The following SESTD1 variants were observed in gnomAD, a reference collection of about 807,000 sequenced individuals.
The protein encoded by SESTD1 is SEC14 and spectrin domain containing 1.
A neutral mutation model predicts 101.7 loss-of-function variants in SESTD1; 43 were observed. The observed-to-expected ratio is 0.42, with a 90% CI of 0.33 to 0.55. The LOEUF is 0.55. Among genes scored for constraint, SESTD1 ranks in the 20% least tolerant of loss-of-function variants. The pLI is 0.07. For synonymous variants in SESTD1, 283 were observed against 286.8 expected (o/e 0.99, Z 0.13); for missense variants, 647 against 815.1 (o/e 0.79, Z 2.51).
In SESTD1 at chr2:179,215,759, C is replaced by T. The variant is rs958471331; in HGVS notation, c.-25-23893G>A. Among the ~76,000 whole-genome samples, 2 of 134,782 alleles carry T rather than the reference C, an allele frequency of 1.5e-5. 1 individual carries two copies. The highest frequency in any genetic ancestry group is 5.9e-5 in the African/African-American group (2 of 34,094). The allele number at this position is 134,782 out of a possible 152,430, so 88.4% of individuals were successfully genotyped here. On this transcript the variant is annotated intron_variant, in intron 1 of 17. Coordinates refer to ENST00000428443, the MANE Select transcript of SESTD1 (RefSeq NM_178123.5). ...AATCCTCAATAAAATACTGGCAAAC[C>T]AAATCCAGCAGCACATCAATAGCTA...
chr2:179,148,916 C>T (rs1282867706), intron 7 of SESTD1, among the ~76,000 whole-genome samples: 1 of 151,612 alleles, frequency 6.6e-6, no homozygotes, highest in Non-Finnish European at 1.5e-5. Flanking sequence ...AAAAATTAGC[C>T]GGGCGAGGTG....
chr2:179,172,607 G>A (rs968974642), intron 4 of SESTD1, among the ~76,000 whole-genome samples: 1 of 151,994 alleles, frequency 6.6e-6, no homozygotes, highest in African/African-American at 2.4e-5. Flanking sequence ...AATCATCTTG[G>A]AGAATTTCTT....
chr2:179,113,774 T>A (rs2044565049), intron 16 of SESTD1, among the ~76,000 whole-genome samples: 2 of 151,982 alleles, frequency 1.3e-5, no homozygotes, highest in African/African-American at 4.8e-5. Context: ...TTTACTTAGG[T>A]TTGTACAACA....
At chr2:179,231,416 G>A (rs905473630) in intron 1 of SESTD1, among the ~76,000 whole-genome samples, 1 of 151,566 alleles carries the variant, frequency 6.6e-6, no homozygotes, top group Admixed American at 6.6e-5. Flanking sequence ...ATAATAGATA[G>A]TATAAACTTA....
chr2:179,250,064 T>C (rs897385237), intron 1 of SESTD1, among the ~76,000 whole-genome samples: 1 of 152,060 alleles, frequency 6.6e-6, no homozygotes, highest in African/African-American at 2.4e-5. Context: ...GTGAACAACA[T>C]GTTAAAACAA....
intron 1 of SESTD1, among the ~76,000 whole-genome samples, chr2:179,221,675 C>T (rs574398778): frequency 7.7e-4 from 115 of 149,892 alleles, no homozygotes; most frequent in Middle Eastern, 3.6e-3. Flanking sequence ...CTCAGCACTT[C>T]GGAAGACCAA....
intron 2 of SESTD1, among the ~76,000 whole-genome samples, chr2:179,186,667 G>A (rs1173000192): frequency 1.3e-5 from 2 of 149,392 alleles, no homozygotes; most frequent in Non-Finnish European, 3.0e-5. Context: ...AGTATCAGAA[G>A]ACTGTATTTT....
intron 9 of SESTD1, among the ~76,000 whole-genome samples, chr2:179,142,408 A>G (rs1575438710): frequency 6.6e-6 from 1 of 152,206 alleles, no homozygotes; most frequent in African/African-American, 2.4e-5. Flanking sequence ...TCAATTAAGC[A>G]AAGAAGGCAG....
At chr2:179,155,344 T>C (rs932570660) in intron 5 of SESTD1, among the ~76,000 whole-genome samples, 2 of 152,158 alleles carry the variant, frequency 1.3e-5, no homozygotes, top group Non-Finnish European at 2.9e-5. Context: ...TATATAACTA[T>C]ATATACTAAG....
At chr2:179,160,992 CACCTTG>C (rs2045725388) in intron 5 of SESTD1, among the ~76,000 whole-genome samples, 1 of 151,846 alleles carries the variant, frequency 6.6e-6, no homozygotes, top group Non-Finnish European at 1.5e-5. Context: ...AGGGCCACTG[CACCTTG>C]ACTCTTCAGC....
chr2:179,228,411 G>A (rs894654229), intron 1 of SESTD1, among the ~76,000 whole-genome samples: 1 of 152,090 alleles, frequency 6.6e-6, no homozygotes, highest in Non-Finnish European at 1.5e-5. Flanking sequence ...TTCCATCTTA[G>A]GGCTTGCAAA....
At chr2:179,174,945 A>T (rs2045986010) in intron 4 of SESTD1, among the ~76,000 whole-genome samples, 3 of 21,354 alleles carry the variant, frequency 1.4e-4, no homozygotes, top group South Asian at 4.4e-3. Flanking sequence ...CCTGATATAA[A>T]AAAAAAAAAA....
chr2:179,223,989 A>G (rs1218103534), intron 1 of SESTD1, among the ~76,000 whole-genome samples: 1 of 152,196 alleles, frequency 6.6e-6, no homozygotes, highest in Non-Finnish European at 1.5e-5. Flanking sequence ...CAATGCTATT[A>G]CATGTTTTAA....
At chr2:179,115,399 C>T in intron 15 of SESTD1, 143 bp from the exon 16 acceptor site, 1 of 605,824 alleles carries the variant, frequency 1.7e-6, no homozygotes, top group East Asian at 2.9e-5. Context: ...CTTATTACTA[C>T]AAATCATCTG....
intron 10 of SESTD1, among the ~76,000 whole-genome samples, chr2:179,129,392 T>C (rs142314067): frequency 6.6e-6 from 1 of 152,310 alleles, no homozygotes; most frequent in East Asian, 1.9e-4. Flanking sequence ...ATTTTTTTTG[T>C]TGTGTTCTAT....
chr2:179,191,080 T>C (rs1404369362), intron 2 of SESTD1, among the ~76,000 whole-genome samples: 1 of 152,200 alleles, frequency 6.6e-6, no homozygotes, highest in African/African-American at 2.4e-5. Flanking sequence ...ACTGTGTATA[T>C]ATCCAACGGA....
intron 12 of SESTD1, among the ~76,000 whole-genome samples, chr2:179,122,965 C>T (rs2044787344): frequency 6.6e-6 from 1 of 152,144 alleles, no homozygotes; most frequent in Admixed American, 6.5e-5. Flanking sequence ...CAAACCAATT[C>T]CCTAAGGCAG....
chr2:179,200,504 T>C (rs370020822), intron 1 of SESTD1, among the ~76,000 whole-genome samples: 2 of 151,990 alleles, frequency 1.3e-5, no homozygotes, highest in East Asian at 1.9e-4. Context: ...AGGCATCACA[T>C]TACCTGACTT....
At chr2:179,196,901 C>T (rs934012561) in intron 1 of SESTD1, among the ~76,000 whole-genome samples, 3 of 152,218 alleles carry the variant, frequency 2.0e-5, no homozygotes, top group Admixed American at 1.3e-4. Flanking sequence ...AGCAGAGCGC[C>T]TCTCCTCCTC....
Sources: gnomAD v4.1 joint callset for allele counts (sites outside exome capture counted in the v4.1 genomes callset) on GRCh38, gnomAD v4.1.1 for gene constraint, MANE v1.5 for transcripts, NCBI Gene and HGNC (gene_info 2026-07-23, HGNC 2026-07-21) for gene names.